Variants in PGAM5 observed in about 807,000 individuals in gnomAD.
PGAM5 encodes the protein serine/threonine-protein phosphatase PGAM5, mitochondrial.
In PGAM5, 25 loss-of-function variants were observed where a neutral mutation model predicts 30.6. That is an observed-to-expected ratio of 0.82 (90% confidence interval 0.60 to 1.14). The LOEUF (loss-of-function observed/expected upper bound fraction) is 1.14, where lower values mean the gene tolerates loss of function less well. Ranked by LOEUF, PGAM5 falls within the 50% of genes most tolerant of loss-of-function variation. The pLI is 0.00. For synonymous variants in PGAM5, 201 were observed against 179.1 expected (o/e 1.12, Z -0.98); for missense variants, 384 against 408.5 (o/e 0.94, Z 0.52).
chr12:132,710,945 C>T lies in PGAM5; in HGVS notation c.69C>T (p.Phe23=), dbSNP rs1470014626. The T allele has an allele frequency of 5.3e-5, 62 of 1,177,080 alleles. No homozygotes were observed. The highest frequency in any genetic ancestry group is 6.4e-5 in the Non-Finnish European group (61 of 953,988). The allele number at this position is 1,177,080 out of a possible 1,614,324, so 72.9% of individuals were successfully genotyped here. The change falls in exon 1 of 6, where the codon TTC becomes TTT. Residue 23 remains phenylalanine, a synonymous_variant. Transcript: ENST00000498926. ...CCGGGGGCTCGGCCGCCGTGCTCTTCTCGGCCGTGGCGGTAGGGAAGCCGC... is the reference window on the plus strand; with the variant it reads ...CCGGGGGCTCGGCCGCCGTGCTCTTTTCGGCCGTGGCGGTAGGGAAGCCGC... ...GLAGGSAAVL[F]SAVAVGKPRA...
At chr12:132,717,127 C>T (rs777147759) in intron 2 of PGAM5, among the ~76,000 whole-genome samples, 7 of 152,202 alleles carry the variant, frequency 4.6e-5, no homozygotes, top group Non-Finnish European at 8.8e-5. Context: ...CCCCACCAAG[C>T]GCCAGCCACC....
chr12:132,718,241 C>T (rs2043603340), intron 5 of PGAM5, 121 bp downstream of exon 5: 1 of 1,217,344 alleles, frequency 8.2e-7, no homozygotes, highest in South Asian at 1.5e-5. Flanking sequence ...GCCTCACCAG[C>T]CCCCGGGCGT....
chr12:132,714,578 C>T (rs1354538229), intron 1 of PGAM5, among the ~76,000 whole-genome samples: 2 of 152,322 alleles, frequency 1.3e-5, no homozygotes, highest in South Asian at 4.1e-4. Flanking sequence ...AGTCTGTCTC[C>T]TGCTGTTCAC....
intron 2 of PGAM5, among the ~76,000 whole-genome samples, chr12:132,716,301 G>C (rs1170849693): frequency 6.6e-6 from 1 of 151,684 alleles, no homozygotes. Flanking sequence ...TAGCCAGGAT[G>C]GTCTCTATCT....
chr12:132,713,456 A>C (rs922911574), intron 1 of PGAM5, among the ~76,000 whole-genome samples: 1 of 152,022 alleles, frequency 6.6e-6, no homozygotes, highest in Non-Finnish European at 1.5e-5. Context: ...CTCTGTGCCT[A>C]TAGCTCCCAA....
At chr12:132,715,717 A>G (rs947512147) in intron 2 of PGAM5, among the ~76,000 whole-genome samples, 1 of 152,190 alleles carries the variant, frequency 6.6e-6, no homozygotes, top group African/African-American at 2.4e-5. Context: ...CGTCACTACT[A>G]AAAGTACAAA....
chr12:132,716,343 C>G (rs1482863465), intron 2 of PGAM5, among the ~76,000 whole-genome samples: 2 of 152,104 alleles, frequency 1.3e-5, no homozygotes, highest in Non-Finnish European at 2.9e-5. Flanking sequence ...CCTCGGCCTC[C>G]CAAAGTACTG....
Position 132,711,027 on chromosome 12 carries a change from G to A in PGAM5, c.151G>A (p.Ala51Thr). 5.8e-6 allele frequency: 7 copies of A among 1,214,964 alleles called. No individual in the cohort carries two copies. The highest frequency in any genetic ancestry group is 7.2e-6 in the Non-Finnish European group (7 of 977,430). The allele number at this position is 1,214,964 out of a possible 1,614,324, so 75.3% of individuals were successfully genotyped here. A position where few individuals can be genotyped will look rare whatever the true frequency, so the allele number is the denominator to read the frequency against. ...PAEPPAWAGGARPGPGVWDPN... is the reference protein window; with the variant it reads ...PAEPPAWAGGTRPGPGVWDPN... Reference sequence around the variant, plus strand: ...TGAGCCGCCGGCCTGGGCGGGGGGCGCGCGGCCGGGCCCCGGTGTCTGGGA... The same window carrying A: ...TGAGCCGCCGGCCTGGGCGGGGGGCACGCGGCCGGGCCCCGGTGTCTGGGA... Residue 51 changes from alanine to threonine, a missense_variant, in exon 1 of 6, where the codon GCG becomes ACG. Physicochemically the swap from Ala to Thr is moderately conservative, Grantham distance 58. Transcript: ENST00000498926.
intron 4 of PGAM5, 28 bp from the exon 5 acceptor site, chr12:132,717,959 C>T (rs769847894): frequency 3.7e-6 from 6 of 1,612,216 alleles, no homozygotes; most frequent in Non-Finnish European, 2.5e-6. Flanking sequence ...AGCACTTCCG[C>T]ACTGACGGCT....
chr12:132,719,553 G>A (rs1468228608), intron 5 of PGAM5, among the ~76,000 whole-genome samples: 1 of 152,222 alleles, frequency 6.6e-6, no homozygotes. Flanking sequence ...CATATGGGTG[G>A]CTTCTATGCT....
At chr12:132,712,582 G>A (rs924524833) in intron 1 of PGAM5, among the ~76,000 whole-genome samples, 5 of 151,922 alleles carry the variant, frequency 3.3e-5, no homozygotes, top group Non-Finnish European at 2.9e-5. Context: ...TCAGCCTCCC[G>A]AGTAGCTGGG....
intron 5 of PGAM5, chr12:132,719,213 G>A (rs1188281090): frequency 7.8e-6 from 9 of 1,149,184 alleles, no homozygotes; most frequent in Admixed American, 4.6e-5. Flanking sequence ...TGTGGGCTCC[G>A]CAGCTGAGGG....
At chr12:132,713,140 A>G (rs543265287) in intron 1 of PGAM5, among the ~76,000 whole-genome samples, 140 of 152,278 alleles carry the variant, frequency 9.2e-4, no homozygotes, top group Non-Finnish European at 1.8e-3. Context: ...AGCCTGGGTG[A>G]TAGAGTGAAA....
At chr12:132,715,113 T>C (rs2043562098) in intron 2 of PGAM5, 77 bp downstream of exon 2, 4 of 1,423,084 alleles carry the variant, frequency 2.8e-6, no homozygotes, top group Non-Finnish European at 2.8e-6. Context: ...GCCTTGGTTA[T>C]GTGACTGGGT....
intron 1 of PGAM5, among the ~76,000 whole-genome samples, chr12:132,713,276 G>A (rs531784613): frequency 6.6e-6 from 1 of 152,194 alleles, no homozygotes; most frequent in Non-Finnish European, 1.5e-5. Context: ...GGGCCTTGTG[G>A]GTTGGGAAAG....
intron 5 of PGAM5, among the ~76,000 whole-genome samples, chr12:132,720,391 T>C (rs1474827532): frequency 6.6e-6 from 1 of 150,746 alleles, no homozygotes; most frequent in Non-Finnish European, 1.5e-5. Flanking sequence ...CACTGCAAGC[T>C]CCGCCTCCCG....
rs534366909 is a variant in PGAM5, at chr12:132,718,043, C to T, written c.642C>T (p.Arg214=). ...CCGCCTTCCGGAACTACATCCACCGCGCAGATGCCAGGCAGGAGGAGGACA... is the reference window on the plus strand; with the variant it reads ...CCGCCTTCCGGAACTACATCCACCGTGCAGATGCCAGGCAGGAGGAGGACA... ...IEAAFRNYIH[R]ADARQEEDSY... Residue 214 remains arginine, a synonymous_variant, in exon 5 of 6, where the codon CGC becomes CGT. Transcript: ENST00000498926. The T allele has an allele frequency of 8.1e-5, 131 of 1,612,856 alleles. 2 individuals carry two copies. In the South Asian group the frequency reaches 9.3e-4, roughly 11 times the overall value.
intron 1 of PGAM5, among the ~76,000 whole-genome samples, chr12:132,714,453 C>T (rs955360588): frequency 6.6e-6 from 1 of 152,240 alleles, no homozygotes; most frequent in Non-Finnish European, 1.5e-5. Flanking sequence ...TCTGCTGAAG[C>T]ATCATGGTCA....
In PGAM5 at chr12:132,720,795, G is replaced by A. The variant is rs1054732784; in HGVS notation, c.837G>A (p.Gly279=). 125 of 1,536,344 alleles carry A rather than the reference G, an allele frequency of 8.1e-5. No individual in the cohort carries two copies. Among genetic ancestry groups the A allele is most frequent in the Non-Finnish European group, 1.1e-4 (124 of 1,146,860 alleles). The change falls in exon 6 of 6, where the codon GGG becomes GGA. Residue 279 remains glycine (G), a synonymous_variant. Coordinates refer to ENST00000498926, the MANE Select transcript of PGAM5 (RefSeq NM_001170543.2). ...RVALRTLGDT[G]FMPPDKITRS is the part of the protein sequence containing the mutation. The stretch of plus-strand genomic sequence containing the variant: ...CGCTCAGGACCCTCGGGGACACGGG[G>A]TTCATGCCTCCCGACAAGATCACTC...
Sources: allele counts gnomAD v4.1 joint callset (sites outside exome capture counted in the v4.1 genomes callset), GRCh38; gene constraint gnomAD v4.1.1; transcripts MANE v1.5; gene names NCBI Gene and HGNC (gene_info 2026-07-23, HGNC 2026-07-21).